The following SLC2A9 variants were observed in gnomAD, a reference collection of about 807,000 sequenced individuals.
The protein encoded by SLC2A9 is solute carrier family 2, facilitated glucose transporter member 9.
SLC2A9 carries 39 observed loss-of-function variants against 50.6 expected under a neutral mutation model. The ratio of observed to expected loss-of-function variants is 0.77; its 90% CI spans 0.60 to 1.01. The LOEUF is 1.01. Among genes scored for constraint, SLC2A9 ranks in the 50% least tolerant of loss-of-function variants. The pLI, the probability that SLC2A9 is intolerant of heterozygous loss-of-function variation, is 0.00. For synonymous variants in SLC2A9, 324 were observed against 276.9 expected, an observed-to-expected ratio of 1.17 and a Z score of -1.69; for missense variants, 686 against 677.6, an observed-to-expected ratio of 1.01 and a Z score of -0.14.
chr4:9,918,394 A>T (rs1311036919), intron 7 of SLC2A9, among the ~76,000 whole-genome samples: 1 of 152,130 alleles, frequency 6.6e-6, no homozygotes, highest in African/African-American at 2.4e-5. Flanking sequence ...TTTGCCACTA[A>T]ACAGCATGGG....
At chr4:9,816,765 T>C (rs1723651003) in intron 3 of SLC2A9, among the ~76,000 whole-genome samples, 1 of 152,170 alleles carries the variant, frequency 6.6e-6, no homozygotes, top group Non-Finnish European at 1.5e-5. Flanking sequence ...GGTGATTTTC[T>C]CTTTTCATAA....
At chr4:9,903,646 A>G (rs1250489105) in intron 8 of SLC2A9, among the ~76,000 whole-genome samples, 1 of 152,126 alleles carries the variant, frequency 6.6e-6, no homozygotes. Flanking sequence ...CCATTTTAAT[A>G]GACTGTCAAA....
chr4:9,796,461 G>T (rs559976332), downstream of SLC2A9, among the ~76,000 whole-genome samples: 1 of 152,182 alleles, frequency 6.6e-6, no homozygotes. Flanking sequence ...TCTGTTGAAT[G>T]GAGATATTTA....
chr4:9,825,246 A>G (rs4621429), downstream of SLC2A9, among the ~76,000 whole-genome samples: 32,245 of 152,176 alleles, frequency 0.21, 3,525 homozygotes, highest in Admixed American at 0.28. Flanking sequence ...GCAGGCTGTA[A>G]GTAGATCTTA....
At chr4:9,820,106 C>T (rs1724200286) in intron 3 of SLC2A9, among the ~76,000 whole-genome samples, 1 of 152,066 alleles carries the variant, frequency 6.6e-6, no homozygotes, top group South Asian at 2.1e-4. Flanking sequence ...TAAACTTTTT[C>T]TAATTTTATG....
intron 11 of SLC2A9, among the ~76,000 whole-genome samples, chr4:9,832,987 T>C (rs901508212): frequency 2.6e-5 from 4 of 152,166 alleles, no homozygotes; most frequent in African/African-American, 9.7e-5. Flanking sequence ...TACTGGGCCA[T>C]GTGAAGGTGC....
chr4:9,968,607 T>TC (rs1753416472), intron 5 of SLC2A9, among the ~76,000 whole-genome samples: 1 of 152,172 alleles, frequency 6.6e-6, no homozygotes, highest in African/African-American at 2.4e-5. Flanking sequence ...GAGCCATATA[T>TC]CCCCCTGCTT....
At position 10,021,352 on chromosome 4, in the gene SLC2A9, AG is replaced by A. The variant is rs1398665337; in HGVS notation, c.77del (p.Pro26LeufsTer14). On this transcript the variant is annotated frameshift_variant, in exon 1 of 12. Transcript: ENST00000264784. LOFTEE classifies it high-confidence loss of function. ...CCAGCAGTGCCCTCCCTGGCCCTGGAGGCCCGGCGTGGCTGGTGTCATCTGT... is the reference window on the plus strand; with the variant it reads ...CCAGCAGTGCCCTCCCTGGCCCTGGAGCCCGGCGTGGCTGGTGTCATCTGT... Reference protein sequence around the residue: ...PLTDDTSHAGPPGPGRALLEC... With the variant: ...PLTDDTSHAGXPGPGRALLEC... 1 of 1,614,234 alleles carries A rather than the reference AG, an allele frequency of 6.2e-7. No homozygotes were observed. Among genetic ancestry groups the A allele is most frequent in the Non-Finnish European group, 8.5e-7 (1 of 1,180,034 alleles).
chr4:9,948,711 A>G (rs1749654530), intron 5 of SLC2A9, among the ~76,000 whole-genome samples: 2 of 152,224 alleles, frequency 1.3e-5, no homozygotes, highest in Admixed American at 6.5e-5. Flanking sequence ...TGTGGGCTCA[A>G]CTGAGACCTC....
At chr4:10,009,952 T>C (rs943996851) in intron 2 of SLC2A9, among the ~76,000 whole-genome samples, 7 of 152,262 alleles carry the variant, frequency 4.6e-5, no homozygotes, top group South Asian at 2.1e-4. Flanking sequence ...TCTTGGGATG[T>C]AGCCTGTGAA....
At chr4:9,965,850 A>G (rs1487423514) in intron 5 of SLC2A9, among the ~76,000 whole-genome samples, 1 of 152,238 alleles carries the variant, frequency 6.6e-6, no homozygotes, top group Admixed American at 6.5e-5. Context: ...GAAATTAATG[A>G]CATCAACTCA....
In SLC2A9 at chr4:9,785,268, T is replaced by C. The variant is rs140630738; in HGVS notation, n.386-5203A>G. On this transcript the variant is annotated intron_variant and non_coding_transcript_variant, in intron 3 of 3. Coordinates refer to the SLC2A9 transcript ENST00000503803. The stretch of plus-strand genomic sequence containing the variant: ...TCACTGTTTACCCAATTGTGCTTTG[T>C]GATGCATATGTTAATGGATGGGGTC... Among the ~76,000 whole-genome samples, 6 of 152,348 alleles carry C rather than the reference T, an allele frequency of 3.9e-5. No individual in the cohort carries two copies. The East Asian group carries it at 9.6e-4, about 24-fold the overall frequency.
At chr4:9,907,700 T>G (rs1005832153) in intron 8 of SLC2A9, among the ~76,000 whole-genome samples, 3 of 152,202 alleles carry the variant, frequency 2.0e-5, no homozygotes, top group African/African-American at 7.2e-5. Context: ...GCATTCATAT[T>G]TCATCATTTG....
chr4:9,834,082 C>T (rs769781869), intron 11 of SLC2A9, among the ~76,000 whole-genome samples: 18 of 152,178 alleles, frequency 1.2e-4, no homozygotes, highest in Non-Finnish European at 2.2e-4. Context: ...AAATATTAGC[C>T]CTGCCTAAGG....
intron 5 of SLC2A9, among the ~76,000 whole-genome samples, chr4:9,949,431 C>T (rs1302735622): frequency 2.6e-5 from 4 of 152,128 alleles, no homozygotes; most frequent in Non-Finnish European, 5.9e-5. Flanking sequence ...TATTAGAGGG[C>T]TGATGTTTTA....
chr4:9,821,175 A>G (rs566377618), intron 3 of SLC2A9, among the ~76,000 whole-genome samples: 1 of 152,314 alleles, frequency 6.6e-6, no homozygotes, highest in Non-Finnish European at 1.5e-5. Flanking sequence ...CCCTGTATCT[A>G]TTGATATAAT....
intron 1 of SLC2A9, chr4:10,034,651 CT>C: frequency 6.6e-6 from 1 of 152,490 alleles, no homozygotes; most frequent in Middle Eastern, 3.4e-3. Context: ...CATGGGGCTT[CT>C]GTGTCCTCAT....
chr4:9,863,222 C>G (rs879477113), intron 10 of SLC2A9, among the ~76,000 whole-genome samples: 1 of 152,000 alleles, frequency 6.6e-6, no homozygotes, highest in Non-Finnish European at 1.5e-5. Flanking sequence ...ACATGGCTCA[C>G]TCTAACCTCG....
intron 10 of SLC2A9, among the ~76,000 whole-genome samples, chr4:9,856,106 T>C (rs1482103962): frequency 6.6e-6 from 1 of 152,066 alleles, no homozygotes; most frequent in Non-Finnish European, 1.5e-5. Flanking sequence ...AAACAAAAAT[T>C]GACTAATGGA....
Sources: allele counts gnomAD v4.1 joint callset (sites outside exome capture counted in the v4.1 genomes callset), GRCh38; gene constraint gnomAD v4.1.1; transcripts MANE v1.5; gene names NCBI Gene and HGNC (gene_info 2026-07-23, HGNC 2026-07-21).